The following SPATA6 variants were observed in gnomAD, a reference collection of about 807,000 sequenced individuals.
SPATA6 encodes the protein spermatogenesis associated 6.
Under a neutral mutation model 65.3 loss-of-function variants are expected in SPATA6, and 56 were observed. The ratio of observed to expected loss-of-function variants is 0.86; its 90% CI spans 0.69 to 1.07. The LOEUF (loss-of-function observed/expected upper bound fraction) is 1.07, where lower values mean the gene tolerates loss of function less well. SPATA6 is among the 50% of genes least tolerant of loss of function. The pLI is 0.00. For missense variants in SPATA6, 590 were observed against 594.8 expected (o/e 0.99, Z 0.08); for synonymous variants, 199 against 213.2 (o/e 0.93, Z 0.58).
intron 11 of SPATA6, among the ~76,000 whole-genome samples, chr1:48,318,755 C>G (rs959738382): frequency 6.6e-6 from 1 of 151,868 alleles, no homozygotes; most frequent in African/African-American, 2.4e-5. Flanking sequence ...AGTTTTCTTG[C>G]AAAAATTGAA....
chr1:48,450,078 A>C (rs141211044), intron 3 of SPATA6, among the ~76,000 whole-genome samples: 3 of 152,076 alleles, frequency 2.0e-5, no homozygotes, highest in African/African-American at 7.2e-5. Flanking sequence ...CAGTACAGTA[A>C]GGGAGGAGTA....
At chr1:48,319,196 T>C (rs1299406923) in intron 11 of SPATA6, among the ~76,000 whole-genome samples, 1 of 152,156 alleles carries the variant, frequency 6.6e-6, no homozygotes, top group Admixed American at 6.6e-5. Flanking sequence ...TTTATGTCCC[T>C]AGACTAAGCA....
rs772958257 is a variant in SPATA6, at chr1:48,456,006, T to C, written c.52-2875A>G. ...TAAATCACCTTGGCAAGCTATGACA[T>C]AGACTTGGCAATTTAGAAGAGCATG... On this transcript the variant is annotated intron_variant, in intron 1 of 12. Coordinates refer to ENST00000371847, the MANE Select transcript of SPATA6 (RefSeq NM_019073.4). Among the ~76,000 whole-genome samples the C allele has an allele frequency of 7.2e-5, 11 of 152,140 alleles. No homozygotes were observed. In the East Asian group the frequency reaches 9.7e-4, roughly 13 times the overall value.
At chr1:48,291,545 A>G (rs186354660), downstream of SPATA6, among the ~76,000 whole-genome samples, 6 of 152,012 alleles carry the variant, frequency 3.9e-5, no homozygotes, top group East Asian at 7.7e-4. Context: ...CAGCTCCCAC[A>G]CAGCCCGCAG....
intron 1 of SPATA6, among the ~76,000 whole-genome samples, chr1:48,464,193 T>A (rs1011873404): frequency 1.3e-5 from 2 of 152,076 alleles, no homozygotes; most frequent in Non-Finnish European, 2.9e-5. Context: ...GGTCTAATGA[T>A]GGTGAGACTT....
intron 11 of SPATA6, chr1:48,355,461 T>C (rs1336018223): frequency 7.0e-6 from 3 of 425,670 alleles, no homozygotes; most frequent in Non-Finnish European, 8.6e-6. Context: ...ATAGTTAAGA[T>C]GGTCTATTTC....
At chr1:48,311,957 A>T (rs1645225557) in intron 11 of SPATA6, among the ~76,000 whole-genome samples, 2 of 152,186 alleles carry the variant, frequency 1.3e-5, no homozygotes, top group Non-Finnish European at 2.9e-5. Context: ...ACGCCCACGG[A>T]GCCTCACTCA....
chr1:48,367,101 T>C (rs1026720288), intron 9 of SPATA6, among the ~76,000 whole-genome samples: 36 of 152,178 alleles, frequency 2.4e-4, no homozygotes, highest in East Asian at 5.8e-4. Context: ...TGTAGTTGAG[T>C]GGTTTTGAGT....
chr1:48,329,674 GCAGGCCGCT>G (rs1645859435), intron 11 of SPATA6, among the ~76,000 whole-genome samples: 1 of 152,204 alleles, frequency 6.6e-6, no homozygotes, highest in Non-Finnish European at 1.5e-5. Context: ...CACAGATGCT[GCAGGCCGCT>G]CATATGAGAA....
the SPATA6 span, among the ~76,000 whole-genome samples, chr1:48,284,665 G>A: frequency 6.6e-6 from 1 of 152,140 alleles, no homozygotes; most frequent in East Asian, 1.9e-4. Context: ...CTGTTTGTTA[G>A]TTTTCTTTCT....
chr1:48,435,959 G>A (rs1443081374), intron 3 of SPATA6: 62 of 1,593,876 alleles, frequency 3.9e-5, no homozygotes, highest in Non-Finnish European at 4.3e-6. Flanking sequence ...GTGAACTAAA[G>A]TGATTCAATG....
At chr1:48,271,056 G>C in the SPATA6 span, among the ~76,000 whole-genome samples, 1 of 152,084 alleles carries the variant, frequency 6.6e-6, no homozygotes, top group Admixed American at 6.6e-5. Context: ...AAAAGATAAG[G>C]CATTGGGACA....
the SPATA6 span, among the ~76,000 whole-genome samples, chr1:48,263,978 C>A: frequency 6.6e-6 from 1 of 152,108 alleles, no homozygotes; most frequent in Admixed American, 6.5e-5. Flanking sequence ...CAGGCACATA[C>A]CACCATGCCC....
chr1:48,338,702 A>T (rs1646126540), intron 11 of SPATA6, among the ~76,000 whole-genome samples: 1 of 152,060 alleles, frequency 6.6e-6, no homozygotes, highest in Admixed American at 6.6e-5. Context: ...AAAGGCCTCA[A>T]ATATATGAAA....
intron 3 of SPATA6, among the ~76,000 whole-genome samples, chr1:48,449,210 TA>T (rs1448713426): frequency 6.6e-6 from 1 of 152,166 alleles, no homozygotes; most frequent in Admixed American, 6.5e-5. Flanking sequence ...AGAAAAATAG[TA>T]ATGTGCAACC....
downstream of SPATA6, among the ~76,000 whole-genome samples, chr1:48,294,772 C>A (rs114462152): frequency 6.0e-3 from 908 of 152,274 alleles, 9 homozygotes; most frequent in African/African-American, 0.02. Flanking sequence ...CTGCTCTAGA[C>A]TTCTTTGTAG....
chr1:48,464,241 T>A (rs928366094), intron 1 of SPATA6, among the ~76,000 whole-genome samples: 7 of 152,094 alleles, frequency 4.6e-5, no homozygotes, highest in African/African-American at 1.7e-4. Flanking sequence ...ACGACAAAGA[T>A]ACCTACTTTG....
At chr1:48,382,964 C>T (rs1648923385) in intron 9 of SPATA6, among the ~76,000 whole-genome samples, 1 of 143,640 alleles carries the variant, frequency 7.0e-6, no homozygotes, top group Non-Finnish European at 1.6e-5. Flanking sequence ...GGATGACCCC[C>T]CCACCTCCCT....
At chr1:48,408,212 A>C (rs997198441) in intron 5 of SPATA6, among the ~76,000 whole-genome samples, 3 of 152,224 alleles carry the variant, frequency 2.0e-5, no homozygotes, top group Admixed American at 2.0e-4. Context: ...CACTCTCCTT[A>C]TTCGGACTAC....
Sources: gnomAD v4.1 joint callset for allele counts (sites outside exome capture counted in the v4.1 genomes callset) on GRCh38, gnomAD v4.1.1 for gene constraint, MANE v1.5 for transcripts, NCBI Gene and HGNC (gene_info 2026-07-23, HGNC 2026-07-21) for gene names.